The following ZFYVE9 variants were observed in gnomAD, a reference collection of about 807,000 sequenced individuals.
ZFYVE9 encodes zinc finger FYVE domain-containing protein 9.
A neutral mutation model predicts 126.7 loss-of-function variants in ZFYVE9; 43 were observed. That is an observed-to-expected ratio of 0.34 (90% CI 0.27 to 0.44). The LOEUF (loss-of-function observed/expected upper bound fraction) is 0.44. Among genes scored for constraint, ZFYVE9 ranks in the 20% least tolerant of loss-of-function variants. The probability of loss-of-function intolerance (pLI) is 1.00; values close to 1 mark genes in which losing one functional copy is unlikely to be tolerated. For synonymous variants in ZFYVE9, 521 were observed against 597.4 expected (o/e 0.87, Z 1.87); for missense variants, 1,476 against 1,697.0 (o/e 0.87, Z 2.29).
At chr1:52,164,163 C>T (rs560127513) in intron 1 of ZFYVE9, among the ~76,000 whole-genome samples, 1 of 151,362 alleles carries the variant, frequency 6.6e-6, no homozygotes, top group East Asian at 1.9e-4. Flanking sequence ...CCATGTTGCC[C>T]AGACTGAATT....
intron 1 of ZFYVE9, among the ~76,000 whole-genome samples, chr1:52,201,202 GTTATAT>G (rs899238002): frequency 7.2e-5 from 11 of 151,984 alleles, no homozygotes; most frequent in African/African-American, 2.7e-4. Context: ...AACATATTGT[GTTATAT>G]TTATATAGAA....
intron 8 of ZFYVE9, among the ~76,000 whole-genome samples, chr1:52,277,958 TCACA>T (rs1170793733): frequency 6.6e-6 from 1 of 152,220 alleles, no homozygotes; most frequent in Non-Finnish European, 1.5e-5. Flanking sequence ...ATGAAGCCAG[TCACA>T]CACAATACTT....
intron 1 of ZFYVE9, among the ~76,000 whole-genome samples, chr1:52,180,773 C>A (rs1000399042): frequency 6.6e-6 from 1 of 151,626 alleles, no homozygotes; most frequent in Non-Finnish European, 1.5e-5. Flanking sequence ...GTTGGGAGTT[C>A]GATACCAGCC....
intron 1 of ZFYVE9, among the ~76,000 whole-genome samples, chr1:52,177,944 G>GTTT (rs1446614373): frequency 1.8e-4 from 26 of 148,092 alleles, no homozygotes; most frequent in African/African-American, 3.8e-4. Context: ...AAGTAGTTTT[G>GTTT]TTTTTTTTTT....
rs1040098937 is a variant in ZFYVE9 at position 52,142,676 on chromosome 1, G to A, written c.-143+273G>A. Among the ~76,000 whole-genome samples the A allele has an allele frequency of 1.3e-5, 2 of 152,026 alleles. No homozygotes were observed. The highest frequency in any genetic ancestry group is 4.8e-5 in the African/African-American group (2 of 41,426). ...TGGAGCTGGGGGCCGGCAGGAGCAC[G>A]GCCGCCTTTCGGGTTTGCATGGGCC... On this transcript the variant is annotated intron_variant, in intron 1 of 18. Transcript: ENST00000287727. This position sits in a 1 kb window ranked among gnomAD's most constrained non-coding sequence, Gnocchi z 4.5.
At chr1:52,289,981 C>G (rs978240366) in intron 10 of ZFYVE9, among the ~76,000 whole-genome samples, 1 of 152,150 alleles carries the variant, frequency 6.6e-6, no homozygotes, top group Non-Finnish European at 1.5e-5. Context: ...ACCTTGAGTA[C>G]TAAGCCAACA....
At chr1:52,179,187 G>C (rs1324331362) in intron 1 of ZFYVE9, among the ~76,000 whole-genome samples, 2 of 152,166 alleles carry the variant, frequency 1.3e-5, no homozygotes, top group Admixed American at 1.3e-4. Flanking sequence ...ATGATTGAGT[G>C]TATCATTCAG....
At chr1:52,165,112 A>G (rs1402227006) in intron 1 of ZFYVE9, among the ~76,000 whole-genome samples, 1 of 152,214 alleles carries the variant, frequency 6.6e-6, no homozygotes, top group Non-Finnish European at 1.5e-5. Flanking sequence ...ACAATAAAAA[A>G]AAATCCAGAA....
chr1:52,173,805 A>G (rs1375274272), intron 1 of ZFYVE9, among the ~76,000 whole-genome samples: 3 of 152,156 alleles, frequency 2.0e-5, no homozygotes, highest in Non-Finnish European at 4.4e-5. Context: ...TGTTTATAGT[A>G]TTCTCTGATG....
intron 13 of ZFYVE9, among the ~76,000 whole-genome samples, chr1:52,309,999 TCG>T (rs1408334212): frequency 3.3e-5 from 5 of 152,186 alleles, no homozygotes; most frequent in African/African-American, 1.2e-4. Flanking sequence ...AGTCTTGCTC[TCG>T]CTCTGTTGCC....
chr1:52,253,510 C>T (rs948773566), intron 4 of ZFYVE9: 16 of 645,846 alleles, frequency 2.5e-5, no homozygotes, highest in Middle Eastern at 4.1e-4. Context: ...AAAAGCCACA[C>T]GTGGGTCGCT....
intron 10 of ZFYVE9, among the ~76,000 whole-genome samples, chr1:52,286,449 A>C (rs529615892): frequency 7.2e-5 from 11 of 152,330 alleles, no homozygotes; most frequent in African/African-American, 2.6e-4. Flanking sequence ...ATATACACAC[A>C]CACTTTTTTG....
At chr1:52,171,125 A>G (rs1572071277) in intron 1 of ZFYVE9, among the ~76,000 whole-genome samples, 2 of 152,010 alleles carry the variant, frequency 1.3e-5, no homozygotes, top group East Asian at 1.9e-4. Context: ...AGCATTAGGT[A>G]TATCTCCTAA....
chr1:52,319,633 T>A lies in ZFYVE9; in HGVS notation c.3439-13135T>A, dbSNP rs113813698. ...GCAAAACTCCATCTCAAAAAAAAAA[T>A]AAAATAAAAACAAATAAAAATTGAG... On this transcript the variant is annotated intron_variant, in intron 13 of 18. Coordinates refer to ENST00000287727, the MANE Select transcript of ZFYVE9 (RefSeq NM_004799.4). Among the ~76,000 whole-genome samples, 919 of 143,584 alleles carry A rather than the reference T, an allele frequency of 6.4e-3. 5 individuals are homozygous for A. Among genetic ancestry groups the A allele is most frequent in the South Asian group, 0.023 (95 of 4,198 alleles). The allele number at this position is 143,584 out of a possible 152,430, so 94.2% of individuals were successfully genotyped here.
chr1:52,343,208 CA>C (rs1186776273), intron 17 of ZFYVE9, among the ~76,000 whole-genome samples: 1 of 152,000 alleles, frequency 6.6e-6, no homozygotes, highest in Non-Finnish European at 1.5e-5. Flanking sequence ...AGGCATGAGC[CA>C]CCGTGCCCGG....
At chr1:52,345,210 G>T (rs1172861926) in intron 18 of ZFYVE9, among the ~76,000 whole-genome samples, 1 of 152,186 alleles carries the variant, frequency 6.6e-6, no homozygotes, top group East Asian at 1.9e-4. Flanking sequence ...AAAGAGGGGA[G>T]CATGTGGTAG....
At chr1:52,338,872 G>GT (rs544977846) in intron 16 of ZFYVE9, among the ~76,000 whole-genome samples, 72 of 152,238 alleles carry the variant, frequency 4.7e-4, no homozygotes, top group African/African-American at 1.6e-3. Context: ...TCAGCTGGGC[G>GT]TGGTGGTACA....
intron 1 of ZFYVE9, chr1:52,180,040 G>A (rs1028360715): frequency 3.6e-6 from 3 of 833,374 alleles, no homozygotes; most frequent in African/African-American, 1.7e-5. Context: ...GAGGATGAAT[G>A]TGCTATTGAA....
At chr1:52,261,073 A>G (rs1299806107) in intron 4 of ZFYVE9, among the ~76,000 whole-genome samples, 1 of 151,812 alleles carries the variant, frequency 6.6e-6, no homozygotes, top group Non-Finnish European at 1.5e-5. Flanking sequence ...ACTCTTACCC[A>G]TCCTTCAGAT....
Sources: allele counts gnomAD v4.1 joint callset (sites outside exome capture counted in the v4.1 genomes callset), GRCh38; gene constraint gnomAD v4.1.1; non-coding constraint Gnocchi (gnomAD v3.1); transcripts MANE v1.5; gene names NCBI Gene and HGNC (gene_info 2026-07-23, HGNC 2026-07-21).